The following MAP3K15 variants were observed in gnomAD, a reference collection of about 807,000 sequenced individuals.
MAP3K15 encodes mitogen-activated protein kinase kinase kinase 15, also known as MAPK/ERK kinase kinase 15.
A neutral mutation model predicts 99.5 loss-of-function variants in MAP3K15; 124 were observed. The observed-to-expected ratio is 1.25, with a 90% CI of 1.08 to 1.45. MAP3K15 has a LOEUF of 1.45. Ranked by LOEUF, MAP3K15 falls within the 40% of genes most tolerant of loss-of-function variation. The pLI is 0.00. For missense variants in MAP3K15, 1,242 were observed against 1,079.7 expected (o/e 1.15, Z -2.11); for synonymous variants, 494 against 439.6 (o/e 1.12, Z -1.55).
chrX:19,362,743 G>T lies in MAP3K15; in HGVS notation c.3674C>A (p.Ser1225Ter). 1 of 1,123,263 alleles carries T rather than the reference G, an allele frequency of 8.9e-7. No individual in the cohort carries two copies. Among genetic ancestry groups the T allele is most frequent in the Non-Finnish European group, 1.2e-6 (1 of 822,392 alleles). 92.6% of individuals were successfully genotyped at this position (1,123,263 alleles called of 1,213,427 possible). The change falls in exon 26 of 29, where the codon TCG becomes TAG. Residue 1225 changes from serine to a stop codon, truncating the protein, a stop_gained. Transcript: ENST00000338883. LOFTEE classifies it high-confidence loss of function. ...ELYHLQLKLK[S>*]NCITENPAGP... ...CTCATTGGAAAATGACTTACAATTC[G>T]ATTTTAATTTTAACTGAAGGTGATA...
At chrX:19,474,919 C>T (rs946544224) in intron 3 of MAP3K15, among the ~76,000 whole-genome samples, 39 of 110,963 alleles carry the variant, frequency 3.5e-4, no homozygotes, top group Non-Finnish European at 4.2e-4. Context: ...TATTTAAACA[C>T]TTTAAAACAG....
chrX:19,491,853 T>A lies in MAP3K15; in HGVS notation c.362-2886A>T, dbSNP rs1273066035. On this transcript the variant is annotated intron_variant, in intron 1 of 28. Coordinates refer to ENST00000338883, the MANE Select transcript of MAP3K15 (RefSeq NM_001001671.4). ...CATGTGCCACCATGCCCGGCTAATTTTGTCGTATTTTTAGCAGAGATGGGG... is the reference window on the plus strand; with the variant it reads ...CATGTGCCACCATGCCCGGCTAATTATGTCGTATTTTTAGCAGAGATGGGG... Among the ~76,000 whole-genome samples, 7 of 109,862 alleles carry A rather than the reference T, an allele frequency of 6.4e-5. No homozygotes were observed. In the East Asian group the frequency reaches 1.2e-3, roughly 18 times the overall value.
chrX:19,500,003 T>C (rs2064430977), intron 1 of MAP3K15, among the ~76,000 whole-genome samples: 1 of 112,594 alleles, frequency 8.9e-6, no homozygotes, highest in Admixed American at 9.4e-5. Context: ...TCCAAGCACT[T>C]TGGGAGGCCA....
chrX:19,371,593 C>A, intron 22 of MAP3K15, 63 bp from the exon 23 acceptor site: 2 of 1,030,505 alleles, frequency 1.9e-6, no homozygotes, highest in Non-Finnish European at 2.7e-6. Flanking sequence ...TCAGAACACA[C>A]TGGGGGAAAC....
intron 1 of MAP3K15, among the ~76,000 whole-genome samples, chrX:19,491,046 G>A (rs1458973188): frequency 6.3e-5 from 7 of 111,273 alleles, no homozygotes; most frequent in Non-Finnish European, 9.4e-5. Context: ...CACAACAGAG[G>A]CCAGTTGAAC....
At chrX:19,450,389 A>C (rs1365586152) in intron 6 of MAP3K15, among the ~76,000 whole-genome samples, 1 of 109,161 alleles carries the variant, frequency 9.2e-6, no homozygotes, top group Non-Finnish European at 1.9e-5. Flanking sequence ...AAAAATAAAG[A>C]AAGCTGGCAA....
At position 19,407,195 on chromosome X, in the gene MAP3K15, A is replaced by G. The variant is rs978927448; in HGVS notation, c.1837T>C (p.Cys613Arg). 2 of 1,181,959 alleles carry G rather than the reference A, an allele frequency of 1.7e-6. No individual in the cohort carries two copies. ...GAATTGGCTGTAACTCACCTACTGCACTGCTCTTCGGTGGAAAAGTAGATT... is the reference window on the plus strand; with the variant it reads ...GAATTGGCTGTAACTCACCTACTGCGCTGCTCTTCGGTGGAAAAGTAGATT... ...FQIYFSTEEQ[C>R]SRFFSLVKEM... The change falls in exon 13 of 29, where the codon TGC (cysteine) becomes CGC (arginine). Residue 613 changes from cysteine to arginine, a missense_variant. Coordinates refer to ENST00000338883, the MANE Select transcript of MAP3K15 (RefSeq NM_001001671.4).
chrX:19,481,639 A>G (rs2064290555), intron 3 of MAP3K15, among the ~76,000 whole-genome samples: 1 of 112,274 alleles, frequency 8.9e-6, no homozygotes, highest in Non-Finnish European at 1.9e-5. Context: ...ACATTTCACC[A>G]AAGAAGACTA....
intron 15 of MAP3K15, among the ~76,000 whole-genome samples, chrX:19,396,675 G>C (rs373690258): frequency 6.3e-5 from 7 of 111,448 alleles, no homozygotes; most frequent in South Asian, 7.5e-4. Flanking sequence ...TCTTACAGCT[G>C]GCAGAAATCC....
chrX:19,469,877 C>T lies in MAP3K15; in HGVS notation c.526-5471G>A, dbSNP rs1438100070. On this transcript the variant is annotated intron_variant, in intron 3 of 28. Transcript: ENST00000338883. ...TACCATCTCACACCAGTTAGAATGG[C>T]AATCATTAAAAAGTCAGGAAACAAC... Among the ~76,000 whole-genome samples the T allele has an allele frequency of 1.4e-3, 151 of 107,776 alleles. 1 individual carries two copies. The highest frequency in any genetic ancestry group is 2.4e-3 in the Non-Finnish European group (127 of 51,908). 93.6% of individuals were successfully genotyped at this position (107,776 alleles called of 115,157 possible). A position where few individuals can be genotyped will look rare whatever the true frequency, so the allele number is the denominator to read the frequency against.
chrX:19,405,850 G>A (rs912683488), intron 13 of MAP3K15, among the ~76,000 whole-genome samples: 13 of 112,317 alleles, frequency 1.2e-4, no homozygotes, highest in African/African-American at 3.2e-4. Flanking sequence ...TGTGTGAAAC[G>A]TATATGGAAA....
intron 6 of MAP3K15, among the ~76,000 whole-genome samples, chrX:19,446,539 C>T (rs1183650018): frequency 8.9e-6 from 1 of 111,949 alleles, no homozygotes; most frequent in Non-Finnish European, 1.9e-5. Flanking sequence ...GTTTACAAAA[C>T]CTTCAGTAAT....
chrX:19,512,484 G>A (rs1196699996), intron 1 of MAP3K15, among the ~76,000 whole-genome samples: 6 of 110,697 alleles, frequency 5.4e-5, no homozygotes, highest in South Asian at 3.9e-4. Flanking sequence ...GCATTTATTC[G>A]TTTATTTAGA....
intron 6 of MAP3K15, among the ~76,000 whole-genome samples, chrX:19,450,764 T>G (rs1460389033): frequency 9.2e-6 from 1 of 108,806 alleles, no homozygotes; most frequent in East Asian, 2.8e-4. Flanking sequence ...AAGGAAGATA[T>G]CACGGGCTCA....
chrX:19,422,452 A>G (rs904404364), intron 9 of MAP3K15, among the ~76,000 whole-genome samples: 16 of 112,351 alleles, frequency 1.4e-4, no homozygotes, highest in Admixed American at 3.8e-4. Flanking sequence ...GGCCATCAGA[A>G]AAATGCAAAC....
intron 18 of MAP3K15, among the ~76,000 whole-genome samples, chrX:19,389,338 G>C (rs770537183): frequency 1.6e-3 from 169 of 108,277 alleles, no homozygotes; most frequent in African/African-American, 5.4e-3. Context: ...GCTGACCCTG[G>C]CTATAACAGC....
Position 19,380,126 on chromosome X carries a change from C to T in MAP3K15, c.2583G>A (p.Met861Ile). 1.7e-6 allele frequency: 2 copies of T among 1,188,476 alleles called. No homozygotes were observed. Among genetic ancestry groups the T allele is most frequent in the East Asian group, 3.0e-5 (1 of 33,063 alleles). Reference sequence around the variant, plus strand: ...ATCACGAAGCATGACTTACTTTGAACATGGCTGCCTGCGGCTCACCAAGCT... The same window carrying T: ...ATCACGAAGCATGACTTACTTTGAATATGGCTGCCTGCGGCTCACCAAGCT... Reference protein sequence around the residue: ...FHELGEPQAAMFKVGMFKIHP... With the variant: ...FHELGEPQAAIFKVGMFKIHP... The change falls in exon 19 of 29, where the codon ATG (methionine) becomes ATA (isoleucine). Residue 861 changes from methionine to isoleucine, a missense_variant. Transcript: ENST00000338883.
At chrX:19,374,370 C>A in intron 20 of MAP3K15, 107 bp downstream of exon 20, 1 of 774,755 alleles carries the variant, frequency 1.3e-6, no homozygotes, top group South Asian at 2.6e-5. Context: ...ACGTGAGCAG[C>A]CCAGGGCTCT....
At chrX:19,468,658 T>G (rs1010455495) in intron 3 of MAP3K15, among the ~76,000 whole-genome samples, 2 of 111,778 alleles carry the variant, frequency 1.8e-5, no homozygotes, top group African/African-American at 3.3e-5. Context: ...GTGAAGAAAG[T>G]CATTGGTAGC....
Sources: gnomAD v4.1 joint callset for allele counts (sites outside exome capture counted in the v4.1 genomes callset) on GRCh38, gnomAD v4.1.1 for gene constraint, MANE v1.5 for transcripts, NCBI Gene and HGNC (gene_info 2026-07-23, HGNC 2026-07-21) for gene names.